Variants in CAMTA1 observed in about 807,000 individuals in gnomAD.
The protein encoded by CAMTA1 is calmodulin binding transcription activator 1, also known as calmodulin-binding transcription activator 1.
CAMTA1 carries 27 observed loss-of-function variants against 170.9 expected under a neutral mutation model. The observed-to-expected ratio is 0.16, with a 90% CI of 0.12 to 0.22. CAMTA1 has a LOEUF of 0.22. Ranked by LOEUF, CAMTA1 falls within the 10% of genes least tolerant of loss-of-function variation. The pLI, the probability that CAMTA1 is intolerant of heterozygous loss-of-function variation, is 1.00. For missense variants in CAMTA1, 1,619 were observed against 2,217.2 expected, an observed-to-expected ratio of 0.73 and a Z score of 5.42; for synonymous variants, 833 against 891.5, an observed-to-expected ratio of 0.93 and a Z score of 1.17.
At chr1:7,704,332 G>C (rs1241041646) in intron 11 of CAMTA1, among the ~76,000 whole-genome samples, 89 of 145,858 alleles carry the variant, frequency 6.1e-4, no homozygotes, top group Admixed American at 6.0e-3. Flanking sequence ...GGGGGCCGTC[G>C]GCCCGGGCAG....
At chr1:7,247,077 A>G (rs1665934100) in intron 4 of CAMTA1, among the ~76,000 whole-genome samples, 1 of 152,164 alleles carries the variant, frequency 6.6e-6, no homozygotes, top group African/African-American at 2.4e-5. Context: ...GGCCTTCCCC[A>G]TCACACAGAG....
At chr1:6,902,303 A>G (rs576131417) in intron 3 of CAMTA1, among the ~76,000 whole-genome samples, 1 of 152,306 alleles carries the variant, frequency 6.6e-6, no homozygotes, top group Non-Finnish European at 1.5e-5. Context: ...ATTACTCATG[A>G]TGTTCAAAAG....
At chr1:6,873,125 A>G (rs1280783970) in intron 3 of CAMTA1, among the ~76,000 whole-genome samples, 2 of 152,210 alleles carry the variant, frequency 1.3e-5, no homozygotes, top group African/African-American at 4.8e-5. Flanking sequence ...TTCTTTTCAC[A>G]GAATTGCAAA....
chr1:6,788,125 G>T (rs913606501), intron 1 of CAMTA1, among the ~76,000 whole-genome samples: 1 of 152,096 alleles, frequency 6.6e-6, no homozygotes, highest in Non-Finnish European at 1.5e-5. Flanking sequence ...TTTGAGCCCT[G>T]TCGGCTCTAG....
chr1:6,874,547 G>A (rs914760678), intron 3 of CAMTA1: 8 of 152,188 alleles, frequency 5.3e-5, no homozygotes, highest in African/African-American at 1.4e-4. Context: ...AATCAGGTTC[G>A]AAACCATTCC....
rs187877101 is a variant in CAMTA1 at position 7,585,878 on chromosome 1, G to A, written c.511-54522G>A. Among the ~76,000 whole-genome samples the A allele has an allele frequency of 1.0e-3, 156 of 151,972 alleles. 1 individual carries two copies. The highest frequency in any genetic ancestry group is 1.9e-3 in the South Asian group (9 of 4,810). ...TGCCTCCCACCTCCCCTCTCGATGC[G>A]GCTTTCATTATGTAAACCTGTCTGG... is the stretch of plus-strand genomic sequence containing the variant. On this transcript the variant is annotated intron_variant, in intron 6 of 22. Coordinates refer to ENST00000303635, the MANE Select transcript of CAMTA1 (RefSeq NM_015215.4). This position sits in a 1 kb window ranked among gnomAD's most constrained non-coding sequence, Gnocchi z 4.8.
chr1:6,957,748 C>T (rs1689696846), intron 3 of CAMTA1, among the ~76,000 whole-genome samples: 1 of 151,282 alleles, frequency 6.6e-6, no homozygotes, highest in Admixed American at 6.6e-5. Flanking sequence ...GTCTTAATTC[C>T]CTTTCACCAT....
At chr1:7,167,355 A>G (rs1041364355) in intron 4 of CAMTA1, among the ~76,000 whole-genome samples, 3 of 152,128 alleles carry the variant, frequency 2.0e-5, no homozygotes, top group African/African-American at 7.2e-5. Context: ...GCATATGTCA[A>G]GTCTGTCCAT....
At chr1:6,849,549 G>A (rs1273479036) in intron 3 of CAMTA1, among the ~76,000 whole-genome samples, 1 of 151,884 alleles carries the variant, frequency 6.6e-6, no homozygotes, top group Non-Finnish European at 1.5e-5. Context: ...ACCAAGGCAG[G>A]ACATAGTAGC....
chr1:7,591,929 G>T (rs761034137), intron 6 of CAMTA1, among the ~76,000 whole-genome samples: 1 of 152,036 alleles, frequency 6.6e-6, no homozygotes, highest in Non-Finnish European at 1.5e-5. Context: ...ATGGAGTTTC[G>T]CTCTTGTCAC....
intron 1 of CAMTA1, among the ~76,000 whole-genome samples, chr1:6,805,419 A>G (rs1644399060): frequency 6.6e-6 from 1 of 152,246 alleles, no homozygotes; most frequent in African/African-American, 2.4e-5. Context: ...TATGTGTTCT[A>G]GATATCAGTC....
chr1:6,935,913 A>C (rs1439233062), intron 3 of CAMTA1, among the ~76,000 whole-genome samples: 1 of 152,146 alleles, frequency 6.6e-6, no homozygotes, highest in Admixed American at 6.5e-5. Flanking sequence ...GGGTCTCAGA[A>C]GGTGGCAGGT....
chr1:7,660,851 C>G (rs2095949887), intron 7 of CAMTA1, among the ~76,000 whole-genome samples: 1 of 152,254 alleles, frequency 6.6e-6, no homozygotes, highest in Non-Finnish European at 1.5e-5. Context: ...TGCCTCTGAG[C>G]CTGGCCCCAC....
chr1:7,242,905 T>C (rs1156448180), intron 4 of CAMTA1, among the ~76,000 whole-genome samples: 2 of 151,904 alleles, frequency 1.3e-5, no homozygotes. Flanking sequence ...GAGCTTGCAG[T>C]GAGCCGAGAT....
chr1:6,808,336 C>A (rs979452565), intron 1 of CAMTA1, among the ~76,000 whole-genome samples: 1 of 152,016 alleles, frequency 6.6e-6, no homozygotes, highest in Non-Finnish European at 1.5e-5. Context: ...TCTACAGTCA[C>A]GTCACATTTT....
chr1:7,705,943 C>T (rs2096519984), intron 11 of CAMTA1, among the ~76,000 whole-genome samples: 1 of 152,176 alleles, frequency 6.6e-6, no homozygotes, highest in Non-Finnish European at 1.5e-5. Flanking sequence ...ATTTTCGGAG[C>T]TCTGGTGATT....
chr1:7,191,446 G>T (rs189749680), intron 4 of CAMTA1, among the ~76,000 whole-genome samples: 1 of 152,280 alleles, frequency 6.6e-6, no homozygotes, highest in East Asian at 1.9e-4. Context: ...TTCAAGAAGC[G>T]TTGTTTAGTT....
At chr1:7,517,550 A>G (rs1013470244) in intron 6 of CAMTA1, among the ~76,000 whole-genome samples, 5 of 99,876 alleles carry the variant, frequency 5.0e-5, no homozygotes, top group African/African-American at 1.4e-4. Flanking sequence ...GTGCTTTGGT[A>G]TATATCATCT....
chr1:6,888,478 T>G (rs1188706882), intron 3 of CAMTA1, among the ~76,000 whole-genome samples: 1 of 152,162 alleles, frequency 6.6e-6, no homozygotes, highest in Non-Finnish European at 1.5e-5. Context: ...GTCATGTCTC[T>G]GGAATACTGT....
Sources: allele counts gnomAD v4.1 joint callset (sites outside exome capture counted in the v4.1 genomes callset), GRCh38; gene constraint gnomAD v4.1.1; non-coding constraint Gnocchi (gnomAD v3.1); transcripts MANE v1.5; gene names NCBI Gene and HGNC (gene_info 2026-07-23, HGNC 2026-07-21).